Variants in EPSTI1 observed in about 807,000 individuals in gnomAD.
EPSTI1 encodes epithelial stromal interaction 1, also known as epithelial-stromal interaction protein 1.
Under a neutral mutation model 49.9 loss-of-function variants are expected in EPSTI1, and 66 were observed. The ratio of observed to expected loss-of-function variants is 1.32; its 90% confidence interval spans 1.08 to 1.62. The LOEUF (loss-of-function observed/expected upper bound fraction) is 1.62. Ranked by LOEUF, EPSTI1 falls within the 40% of genes most tolerant of loss-of-function variation. The pLI, the probability that EPSTI1 is intolerant of heterozygous loss-of-function variation, is 0.00. For missense variants in EPSTI1, 394 were observed against 365.5 expected, an observed-to-expected ratio of 1.08 and a Z score of -0.64; for synonymous variants, 137 against 130.7, an observed-to-expected ratio of 1.05 and a Z score of -0.33.
chr13:42,924,456 T>C (rs142301791), intron 7 of EPSTI1, among the ~76,000 whole-genome samples: 1 of 152,300 alleles, frequency 6.6e-6, no homozygotes, highest in Non-Finnish European at 1.5e-5. Flanking sequence ...CCAAAATCAA[T>C]AGAGCAGCAC....
chr13:42,962,619 CAAAA>C (rs67950561), intron 5 of EPSTI1, among the ~76,000 whole-genome samples: 1 of 132,908 alleles, frequency 7.5e-6, no homozygotes, highest in Non-Finnish European at 1.6e-5. Context: ...ACAAAAAATA[CAAAA>C]AAAAAAAAAA....
At chr13:42,892,124 TA>T (rs1164165743) in intron 10 of EPSTI1, among the ~76,000 whole-genome samples, 3 of 151,994 alleles carry the variant, frequency 2.0e-5, no homozygotes, top group African/African-American at 7.3e-5. Context: ...CTGGTGTGGC[TA>T]GAGAGAAATG....
At chr13:42,914,593 A>C (rs1371452224) in intron 8 of EPSTI1, among the ~76,000 whole-genome samples, 1 of 152,238 alleles carries the variant, frequency 6.6e-6, no homozygotes, top group Non-Finnish European at 1.5e-5. Flanking sequence ...TATAAACCAG[A>C]TCATAAGGAA....
intron 6 of EPSTI1, among the ~76,000 whole-genome samples, chr13:42,942,017 G>GAAA (rs1316644029): frequency 6.6e-6 from 1 of 151,994 alleles, no homozygotes. Context: ...AATAGTTTTT[G>GAAA]TCATATGTAT....
In EPSTI1 at chr13:42,964,107, T is replaced by C. The variant is rs144584356; in HGVS notation, c.364A>G (p.Lys122Glu). 17 of 1,613,704 alleles carry C rather than the reference T, an allele frequency of 1.1e-5. No individual in the cohort carries two copies. In the African/African-American group the frequency reaches 1.6e-4, roughly 15 times the overall value. ...GSQSETEVRQ[K>E]QQLQLMQSKY... ...GATTGCATCAGCTGGAGTTGTTGTTTCTGTCTGACTTCAGTTTCTGACTGG... is the reference window on the plus strand; with the variant it reads ...GATTGCATCAGCTGGAGTTGTTGTTCCTGTCTGACTTCAGTTTCTGACTGG... The change falls in exon 4 of 11, where the codon AAA becomes GAA. Residue 122 changes from lysine (K) to glutamate (E), a missense_variant. Lys to Glu is a moderately conservative substitution (Grantham distance 56). Transcript: ENST00000313624.
At chr13:42,955,120 G>T (rs1446619778) in intron 5 of EPSTI1, among the ~76,000 whole-genome samples, 5 of 152,182 alleles carry the variant, frequency 3.3e-5, no homozygotes, top group Admixed American at 2.6e-4. Context: ...TATAAGGCAA[G>T]CAACTGGATT....
chr13:42,960,722 T>G (rs1361991190), intron 5 of EPSTI1, among the ~76,000 whole-genome samples: 6 of 152,124 alleles, frequency 3.9e-5, no homozygotes, highest in Non-Finnish European at 8.8e-5. Context: ...AATAATCAGT[T>G]TCCTGGTCTT....
intron 5 of EPSTI1, among the ~76,000 whole-genome samples, chr13:42,955,458 T>TA (rs532471759): frequency 1.7e-4 from 26 of 152,318 alleles, no homozygotes; most frequent in Admixed American, 5.2e-4. Context: ...TTTTCACTAA[T>TA]AGATTCCAAC....
Position 42,935,554 on chromosome 13 carries a change from G to A in EPSTI1, c.564-9125C>T, listed in dbSNP as rs368072145. 7.2e-5 allele frequency among the ~76,000 whole-genome samples: 11 copies of A among 152,182 alleles called. No individual in the cohort carries two copies. The East Asian group carries it at 1.3e-3, about 19-fold the overall frequency. On this transcript the variant is annotated intron_variant, in intron 6 of 10. Coordinates refer to ENST00000313624, the MANE Select transcript of EPSTI1 (RefSeq NM_033255.5). ...CCATTAACTCTAGCTTCATCCTACC[G>A]AATTCTTCTACTCCATTTCACTCAT...
chr13:42,951,535 A>T (rs1323863), intron 6 of EPSTI1, among the ~76,000 whole-genome samples: 67,998 of 152,062 alleles, frequency 0.45, 15,581 homozygotes, highest in Middle Eastern at 0.54. Flanking sequence ...ATTCAGCTCC[A>T]CTGATAGCAG....
At chr13:42,919,442 T>A (rs1566116942) in intron 7 of EPSTI1, 2 of 975,218 alleles carry the variant, frequency 2.1e-6, no homozygotes. Flanking sequence ...ATTGAAATAT[T>A]CATTTAATAC....
At chr13:42,916,918 A>G (rs982943225) in intron 8 of EPSTI1, among the ~76,000 whole-genome samples, 1 of 152,178 alleles carries the variant, frequency 6.6e-6, no homozygotes, top group Non-Finnish European at 1.5e-5. Context: ...AGCAGGTATG[A>G]ACATCAAGTA....
intron 8 of EPSTI1, among the ~76,000 whole-genome samples, chr13:42,907,443 C>A (rs1240035591): frequency 6.6e-6 from 1 of 152,144 alleles, no homozygotes; most frequent in Non-Finnish European, 1.5e-5. Flanking sequence ...CAACCTTGTA[C>A]AAATATCTTG....
At chr13:42,908,634 C>T (rs1475828597) in intron 8 of EPSTI1, among the ~76,000 whole-genome samples, 5 of 152,044 alleles carry the variant, frequency 3.3e-5, no homozygotes, top group Non-Finnish European at 7.4e-5. Context: ...AAAAGCTTCT[C>T]CACATCAAAG....
At chr13:42,937,111 G>T (rs946385966) in intron 6 of EPSTI1, among the ~76,000 whole-genome samples, 9 of 152,054 alleles carry the variant, frequency 5.9e-5, no homozygotes, top group Non-Finnish European at 1.3e-4. Context: ...AAATTTTTTT[G>T]TTTTCCATTC....
intron 10 of EPSTI1, among the ~76,000 whole-genome samples, chr13:42,890,816 T>C (rs998064264): frequency 2.0e-5 from 3 of 152,104 alleles, no homozygotes; most frequent in Admixed American, 6.5e-5. Flanking sequence ...AAGGCTTTTT[T>C]TCCCCCTTTT....
intron 6 of EPSTI1, among the ~76,000 whole-genome samples, chr13:42,929,558 G>A (rs1340012703): frequency 6.6e-6 from 1 of 152,122 alleles, no homozygotes; most frequent in Non-Finnish European, 1.5e-5. Flanking sequence ...GCTGCAATGA[G>A]TAATAAACCC....
chr13:42,897,074 T>C (rs2037212405), intron 9 of EPSTI1, among the ~76,000 whole-genome samples: 1 of 141,838 alleles, frequency 7.1e-6, no homozygotes, highest in African/African-American at 2.7e-5. Flanking sequence ...CACTCCAGCC[T>C]GGGCGACAGA....
intron 1 of EPSTI1, among the ~76,000 whole-genome samples, chr13:42,988,860 T>G: frequency 6.6e-6 from 1 of 151,650 alleles, no homozygotes; most frequent in East Asian, 1.9e-4. Context: ...GTTTATTTAT[T>G]TATTTATTTA....
Sources: gnomAD v4.1 joint callset for allele counts (sites outside exome capture counted in the v4.1 genomes callset) on GRCh38, gnomAD v4.1.1 for gene constraint, MANE v1.5 for transcripts, NCBI Gene and HGNC (gene_info 2026-07-23, HGNC 2026-07-21) for gene names.